Variants in ZNF385B observed in about 807,000 individuals in gnomAD.
ZNF385B encodes zinc finger protein 385B.
Under a neutral mutation model 39.2 loss-of-function variants are expected in ZNF385B, and 23 were observed. The observed-to-expected ratio is 0.59, with a 90% confidence interval of 0.42 to 0.83. The LOEUF (loss-of-function observed/expected upper bound fraction) is 0.83, where lower values mean the gene tolerates loss of function less well. Ranked by LOEUF, ZNF385B falls within the 40% of genes least tolerant of loss-of-function variation. The probability of loss-of-function intolerance (pLI) is 0.00; values close to 1 mark genes in which losing one functional copy is unlikely to be tolerated. For missense variants in ZNF385B, 552 were observed against 598.9 expected (o/e 0.92, Z 0.82); for synonymous variants, 205 against 222.6 (o/e 0.92, Z 0.70).
At chr2:179,656,673 T>A (rs1693797697) in intron 3 of ZNF385B, among the ~76,000 whole-genome samples, 2 of 152,192 alleles carry the variant, frequency 1.3e-5, no homozygotes, top group African/African-American at 4.8e-5. Flanking sequence ...ACCTTTTTAT[T>A]CATTGTTGCT....
At chr2:179,722,811 A>G (rs1053319390) in intron 3 of ZNF385B, among the ~76,000 whole-genome samples, 2 of 152,172 alleles carry the variant, frequency 1.3e-5, no homozygotes, top group Admixed American at 1.3e-4. Context: ...TATCTGCAAC[A>G]TAGAAAACTG....
chr2:179,796,822 C>T (rs545282194), intron 1 of ZNF385B, among the ~76,000 whole-genome samples: 10 of 152,106 alleles, frequency 6.6e-5, no homozygotes, highest in South Asian at 4.1e-4. Flanking sequence ...ACCCCAGCAC[C>T]GAAAGCCAAA....
chr2:179,555,626 C>T lies in ZNF385B; in HGVS notation c.299-10657G>A, dbSNP rs1442794816. On this transcript the variant is annotated intron_variant, in intron 3 of 9. Coordinates refer to ENST00000410066, the MANE Select transcript of ZNF385B (RefSeq NM_152520.6). ...GTATAATTTTAGGATGACAATGATG[C>T]TTTTTGAGTTCTTTTTTTTCTACTG... Among the ~76,000 whole-genome samples the T allele has an allele frequency of 2.0e-5, 3 of 149,262 alleles. 1 individual carries two copies. Among genetic ancestry groups the T allele is most frequent in the South Asian group, 2.1e-4 (1 of 4,682 alleles).
intron 3 of ZNF385B, among the ~76,000 whole-genome samples, chr2:179,678,544 A>G (rs746239289): frequency 1.2e-4 from 19 of 152,230 alleles, no homozygotes; most frequent in Non-Finnish European, 2.5e-4. Flanking sequence ...GTGCTTGAAG[A>G]TATCAGAGCA....
intron 3 of ZNF385B, among the ~76,000 whole-genome samples, chr2:179,576,755 A>G (rs1685867089): frequency 6.6e-6 from 1 of 152,194 alleles, no homozygotes; most frequent in Non-Finnish European, 1.5e-5. Flanking sequence ...CCGATAATAC[A>G]GAGATGTAAT....
chr2:179,806,099 C>G (rs1706331603), intron 1 of ZNF385B, among the ~76,000 whole-genome samples: 1 of 151,640 alleles, frequency 6.6e-6, no homozygotes, highest in Non-Finnish European at 1.5e-5. Context: ...AATTTTGTAC[C>G]AACAAACAGA....
intron 3 of ZNF385B, among the ~76,000 whole-genome samples, chr2:179,730,178 A>G (rs1296679805): frequency 6.6e-6 from 1 of 152,216 alleles, no homozygotes; most frequent in Non-Finnish European, 1.5e-5. Context: ...GTGACCACAC[A>G]TTCCAGCATG....
In ZNF385B at chr2:179,721,701, T is replaced by C. The variant is rs973892614; in HGVS notation, c.298+47802A>G. Among the ~76,000 whole-genome samples, 10 of 133,314 alleles carry C rather than the reference T, an allele frequency of 7.5e-5. No individual in the cohort carries two copies. In the East Asian group the frequency reaches 7.9e-4, roughly 11 times the overall value. 87.5% of individuals were successfully genotyped at this position (133,314 alleles called of 152,430 possible). On this transcript the variant is annotated intron_variant, in intron 3 of 9. Coordinates refer to ENST00000410066, the MANE Select transcript of ZNF385B (RefSeq NM_152520.6). ...TTTTTTATAACAAAAATTGTTAGTA[T>C]ACTAGTAAGAAAATTTCATAATATT... is the stretch of plus-strand genomic sequence containing the variant.
At position 179,681,331 on chromosome 2, in the gene ZNF385B, C is replaced by T. The variant is rs187845604; in HGVS notation, c.298+88172G>A. On this transcript the variant is annotated intron_variant, in intron 3 of 9. Coordinates refer to ENST00000410066, the MANE Select transcript of ZNF385B (RefSeq NM_152520.6). ...CAGGTAGGATTCTGTTTTGGACGCTCTTTTAAAGCTGAATCATGGTAGCAT... is the reference window on the plus strand; with the variant it reads ...CAGGTAGGATTCTGTTTTGGACGCTTTTTTAAAGCTGAATCATGGTAGCAT... Among the ~76,000 whole-genome samples, 309 of 152,190 alleles carry T rather than the reference C, an allele frequency of 2.0e-3. 2 individuals are homozygous for T. Among genetic ancestry groups the T allele is most frequent in the African/African-American group, 7.2e-3 (300 of 41,562 alleles).
At chr2:179,841,825 A>C (rs1012055894) in intron 1 of ZNF385B, among the ~76,000 whole-genome samples, 47 of 152,204 alleles carry the variant, frequency 3.1e-4, no homozygotes, top group African/African-American at 1.0e-3. Context: ...AGGGCAACAT[A>C]CTTGGATGAT....
intron 3 of ZNF385B, among the ~76,000 whole-genome samples, chr2:179,617,291 C>T (rs1171841872): frequency 2.0e-5 from 3 of 152,160 alleles, no homozygotes; most frequent in Non-Finnish European, 4.4e-5. Context: ...GCACCTGATG[C>T]ACCCCAGCTG....
At chr2:179,710,107 C>A (rs1378504931) in intron 3 of ZNF385B, among the ~76,000 whole-genome samples, 1 of 152,114 alleles carries the variant, frequency 6.6e-6, no homozygotes, top group East Asian at 1.9e-4. Flanking sequence ...TGCAACGACT[C>A]CGGAGAAGAT....
rs182575161 is a variant in ZNF385B, at chr2:179,457,787, G to T, written c.716-11017C>A. 3.6e-4 allele frequency among the ~76,000 whole-genome samples: 55 copies of T among 152,224 alleles called. No individual in the cohort carries two copies. The East Asian group carries it at 0.01, about 29-fold the overall frequency. ...AATATAGCCTGAACAGGAGTCCTTT[G>T]TCAGATATACACATCACAAGTCATC... is the stretch of plus-strand genomic sequence containing the variant. On this transcript the variant is annotated intron_variant, in intron 6 of 9. Transcript: ENST00000410066.
chr2:179,603,295 C>T lies in ZNF385B; in HGVS notation c.299-58326G>A, dbSNP rs115294639. Among the ~76,000 whole-genome samples, 276 of 152,212 alleles carry T rather than the reference C, an allele frequency of 1.8e-3. 1 individual carries two copies. The highest frequency in any genetic ancestry group is 6.3e-3 in the African/African-American group (260 of 41,532). ...TAGGGCTGCATTGATTGAGAGATAG[C>T]GTGTCTCTCATTTAAAGCCACACAG... is the stretch of plus-strand genomic sequence containing the variant. On this transcript the variant is annotated intron_variant, in intron 3 of 9. Transcript: ENST00000410066.
chr2:179,662,067 A>G (rs1374186285), intron 3 of ZNF385B, among the ~76,000 whole-genome samples: 1 of 152,244 alleles, frequency 6.6e-6, no homozygotes, highest in Non-Finnish European at 1.5e-5. Flanking sequence ...TGTGGGATAT[A>G]GATTTGTTAT....
At chr2:179,800,718 G>T (rs1705974905) in intron 1 of ZNF385B, among the ~76,000 whole-genome samples, 1 of 151,936 alleles carries the variant, frequency 6.6e-6, no homozygotes, top group Non-Finnish European at 1.5e-5. Context: ...ACACTCAGAA[G>T]CAGAGAGAAT....
At chr2:179,783,119 G>A (rs980066936) in intron 1 of ZNF385B, among the ~76,000 whole-genome samples, 1 of 152,090 alleles carries the variant, frequency 6.6e-6, no homozygotes, top group Non-Finnish European at 1.5e-5. Context: ...GCATAGGACT[G>A]GTACAAAAAC....
rs34449760 is a variant in ZNF385B at position 179,714,942 on chromosome 2, C to CAAAAAAAAAAAAA, written c.298+54548_298+54560dup. On this transcript the variant is annotated intron_variant, in intron 3 of 9. Transcript: ENST00000410066. ...TGGGTAACAAAGCGAGATTCTATCT[C>CAAAAAAAAAAAAA]AAAAAAAAAAAAAAAAAAACAGTTT... Among the ~76,000 whole-genome samples the CAAAAAAAAAAAAA allele has an allele frequency of 1.6e-4, 13 of 79,250 alleles. 1 individual carries two copies. Among genetic ancestry groups the CAAAAAAAAAAAAA allele is most frequent in the African/African-American group, 6.6e-4 (13 of 19,802 alleles). 52.0% of individuals were successfully genotyped at this position (79,250 alleles called of 152,430 possible). A position where few individuals can be genotyped will look rare whatever the true frequency, so the allele number is the denominator to read the frequency against.
chr2:179,587,326 T>C (rs1285973134), intron 3 of ZNF385B, among the ~76,000 whole-genome samples: 4 of 152,190 alleles, frequency 2.6e-5, no homozygotes, highest in Admixed American at 6.5e-5. Flanking sequence ...AACATATGAA[T>C]AAAAATGAGA....
Sources: gnomAD v4.1 joint callset for allele counts (sites outside exome capture counted in the v4.1 genomes callset) on GRCh38, gnomAD v4.1.1 for gene constraint, MANE v1.5 for transcripts, NCBI Gene and HGNC (gene_info 2026-07-23, HGNC 2026-07-21) for gene names.